The following MED12L variants were observed in gnomAD, a reference collection of about 807,000 sequenced individuals.
MED12L encodes mediator complex subunit 12L.
Under a neutral mutation model 281.3 loss-of-function variants are expected in MED12L, and 60 were observed. The ratio of observed to expected loss-of-function variants is 0.21; its 90% confidence interval spans 0.17 to 0.26. MED12L has a LOEUF of 0.26. Among genes scored for constraint, MED12L ranks in the 10% least tolerant of loss-of-function variants. The pLI is 1.00. For synonymous variants in MED12L, 974 were observed against 987.2 expected (o/e 0.99, Z 0.25); for missense variants, 2,146 against 2,680.9 (o/e 0.80, Z 4.41).
intron 14 of MED12L, 136 bp downstream of exon 14, chr3:151,191,067 A>C (rs924573877): frequency 3.7e-5 from 26 of 697,956 alleles, no homozygotes; most frequent in Non-Finnish European, 5.0e-5. Context: ...GTTTATCTCT[A>C]CTTCTCGAGC....
intron 16 of MED12L, among the ~76,000 whole-genome samples, chr3:151,197,448 G>A (rs187627141): frequency 6.6e-6 from 1 of 152,200 alleles, no homozygotes; most frequent in Non-Finnish European, 1.5e-5. Context: ...ACGCCCGGCT[G>A]GAGTCACCTA....
intron 16 of MED12L, among the ~76,000 whole-genome samples, chr3:151,268,518 C>T (rs1740265156): frequency 6.6e-6 from 1 of 152,192 alleles, no homozygotes; most frequent in South Asian, 2.1e-4. Flanking sequence ...TAAATGGAAG[C>T]TTCCAGGTTT....
chr3:151,344,611 T>C (rs1276628960), intron 16 of MED12L, among the ~76,000 whole-genome samples: 3 of 152,204 alleles, frequency 2.0e-5, no homozygotes, highest in Non-Finnish European at 2.9e-5. Context: ...CTTCCGGATA[T>C]ATACTGGATT....
chr3:151,097,135 C>G (rs1280452879), intron 2 of MED12L, among the ~76,000 whole-genome samples: 2 of 152,182 alleles, frequency 1.3e-5, no homozygotes, highest in Non-Finnish European at 2.9e-5. Flanking sequence ...GAGGTCATTT[C>G]TATCTAGTTT....
At chr3:151,119,079 G>A (rs779403277) in intron 3 of MED12L, among the ~76,000 whole-genome samples, 1 of 152,142 alleles carries the variant, frequency 6.6e-6, no homozygotes, top group Admixed American at 6.5e-5. Flanking sequence ...GTAGTCATAT[G>A]AATAATAATT....
At position 151,213,461 on chromosome 3, in the gene MED12L, C is replaced by T. The variant is rs747451996; in HGVS notation, c.2250+19795C>T. On this transcript the variant is annotated intron_variant, in intron 16 of 44. Transcript: ENST00000687756. Reference sequence around the variant, plus strand: ...ATAATAGGGTCCAAGCATACATTTGCAGCAGATAGTAGCAGAGTGAATTCT... The same window carrying T: ...ATAATAGGGTCCAAGCATACATTTGTAGCAGATAGTAGCAGAGTGAATTCT... The T allele has an allele frequency of 1.9e-6, 3 of 1,614,150 alleles. No homozygotes were observed. The East Asian group carries it at 6.7e-5, about 36-fold the overall frequency.
In MED12L at chr3:151,365,746, T is replaced by A. The variant is rs565786754; in HGVS notation, c.3186-104T>A. The A allele has an allele frequency of 3.8e-6, 4 of 1,044,300 alleles. No individual in the cohort carries two copies. The South Asian group carries it at 8.4e-5, about 22-fold the overall frequency. The allele number at this position is 1,044,300 out of a possible 1,614,324, so 64.7% of individuals were successfully genotyped here. ...TATTTTATCTGTGAATCTAAGAAAA[T>A]GACTTGTTTGATGTTAGTGAAATAT... On this transcript the variant is annotated intron_variant, in intron 22 of 44. Transcript: ENST00000687756.
rs182385536 is a variant in MED12L at position 151,369,391 on chromosome 3, A to G, written c.3551-45A>G. The G allele has an allele frequency of 4.3e-4, 566 of 1,310,540 alleles. 4 individuals carry two copies. In the Admixed American group the frequency reaches 0.011, roughly 25 times the overall value. The allele number at this position is 1,310,540 out of a possible 1,614,324, so 81.2% of individuals were successfully genotyped here. A position where few individuals can be genotyped will look rare whatever the true frequency, so the allele number is the denominator to read the frequency against. On this transcript the variant is annotated intron_variant, in intron 25 of 44. Transcript: ENST00000687756. Reference sequence around the variant, plus strand: ...TGCCTGTAAATAATTACAAAACATTACTAATGATGGTAATGAGACTATTAA... The same window carrying G: ...TGCCTGTAAATAATTACAAAACATTGCTAATGATGGTAATGAGACTATTAA...
At chr3:151,264,045 A>G (rs2149513147) in intron 16 of MED12L, among the ~76,000 whole-genome samples, 1 of 152,340 alleles carries the variant, frequency 6.6e-6, no homozygotes, top group Non-Finnish European at 1.5e-5. Flanking sequence ...TTCAGTTTTT[A>G]AAGTTCTGCC....
At chr3:151,188,129 G>A (rs758694364) in intron 12 of MED12L, 10 of 313,610 alleles carry the variant, frequency 3.2e-5, no homozygotes, top group Non-Finnish European at 4.7e-5. Flanking sequence ...GAACGCGCCC[G>A]ATCTCGTCTG....
At position 151,365,991 on chromosome 3, in the gene MED12L, T is replaced by C. The variant is rs1354557596; in HGVS notation, c.3327T>C (p.Asp1109=). The C allele has an allele frequency of 1.9e-6, 3 of 1,548,422 alleles. No individual in the cohort carries two copies. The highest frequency in any genetic ancestry group is 1.3e-5 in the South Asian group (1 of 78,786). Residue 1109 remains aspartate (D), a splice_region_variant and synonymous_variant, in exon 23 of 45, where the codon GAT becomes GAC. Transcript: ENST00000687756. ...WGFNDVLCTV[D]VSDLSFHDSL... ...TTAATGATGTACTTTGCACTGTAGA[T>C]GTAAGTTTTCTTTTTCATTTAAAAA...
intron 38 of MED12L, among the ~76,000 whole-genome samples, chr3:151,391,050 G>A (rs1050146336): frequency 1.3e-5 from 2 of 152,048 alleles, no homozygotes; most frequent in African/African-American, 4.8e-5. Context: ...CCATAGGGTG[G>A]GTGATTCAGT....
At chr3:151,408,780 G>T (rs533713338) in intron 39 of MED12L, among the ~76,000 whole-genome samples, 1 of 152,168 alleles carries the variant, frequency 6.6e-6, no homozygotes, top group Non-Finnish European at 1.5e-5. Flanking sequence ...TGAATATCTG[G>T]CTAAATAGGC....
chr3:151,325,097 T>C (rs1749436922), intron 16 of MED12L, among the ~76,000 whole-genome samples: 1 of 152,196 alleles, frequency 6.6e-6, no homozygotes, highest in Admixed American at 6.5e-5. Context: ...TAAATGGATA[T>C]GGAATGTAAG....
rs1323841516 is a variant in MED12L, at chr3:151,435,942, C to G, written c.*3138C>G. On this transcript the variant is annotated 3_prime_UTR_variant, in exon 45 of 45. Transcript: ENST00000687756. ...AGAAAAATTTCCTTATAAACAGCTC[C>G]AAACCAGGGGTGCCTGAGCTAGATT... 6.6e-6 allele frequency: 1 copy of G among 152,100 alleles called. No individual in the cohort carries two copies. Among genetic ancestry groups the G allele is most frequent in the Non-Finnish European group, 1.5e-5 (1 of 68,008 alleles). The allele number at this position is 152,100 out of a possible 1,614,324, so 9.4% of individuals were successfully genotyped here.
At chr3:151,319,386 ACT>A (rs1315715794) in intron 16 of MED12L, among the ~76,000 whole-genome samples, 3 of 150,122 alleles carry the variant, frequency 2.0e-5, no homozygotes, top group Non-Finnish European at 4.4e-5. Flanking sequence ...AATGCAGGGC[ACT>A]CTTTTATTAA....
intron 39 of MED12L, among the ~76,000 whole-genome samples, chr3:151,402,146 A>G (rs542099216): frequency 2.0e-5 from 3 of 152,326 alleles, no homozygotes; most frequent in Admixed American, 2.0e-4. Context: ...ATACTTTCCA[A>G]TCCTCAGTAT....
intron 16 of MED12L, among the ~76,000 whole-genome samples, chr3:151,251,706 C>T (rs1042566761): frequency 2.0e-5 from 3 of 152,258 alleles, no homozygotes; most frequent in Admixed American, 6.5e-5. Flanking sequence ...TGGTTCTTGC[C>T]CCATTGCTTG....
intron 43 of MED12L, among the ~76,000 whole-genome samples, chr3:151,422,456 C>T (rs1212083901): frequency 1.3e-5 from 2 of 152,122 alleles, no homozygotes; most frequent in East Asian, 1.9e-4. Flanking sequence ...TCGCTCGGCC[C>T]GTGGAAGCAG....
Sources: allele counts gnomAD v4.1 joint callset (sites outside exome capture counted in the v4.1 genomes callset), GRCh38; gene constraint gnomAD v4.1.1; transcripts MANE v1.5; gene names NCBI Gene and HGNC (gene_info 2026-07-23, HGNC 2026-07-21).